The following USP34 variants were observed in gnomAD, a reference collection of about 807,000 sequenced individuals.
USP34 encodes the protein ubiquitin carboxyl-terminal hydrolase 34.
USP34 carries 70 observed loss-of-function variants against 460.3 expected under a neutral mutation model. The observed-to-expected ratio is 0.15, with a 90% CI of 0.13 to 0.19. USP34 has a LOEUF of 0.19. Ranked by LOEUF, USP34 falls within the 10% of genes least tolerant of loss-of-function variation. The pLI is 1.00. For missense variants in USP34, 3,985 were observed against 4,236.2 expected, an observed-to-expected ratio of 0.94 and a Z score of 1.65; for synonymous variants, 1,647 against 1,405.3, an observed-to-expected ratio of 1.17 and a Z score of -3.85.
At chr2:61,257,776 G>A (rs1032498972) in intron 44 of USP34, among the ~76,000 whole-genome samples, 2 of 152,044 alleles carry the variant, frequency 1.3e-5, no homozygotes, top group Non-Finnish European at 2.9e-5. Flanking sequence ...GTGCGGTTGC[G>A]CATGCCTGTA....
chr2:61,261,439 A>C (rs1688875703), intron 43 of USP34, among the ~76,000 whole-genome samples: 1 of 152,190 alleles, frequency 6.6e-6, no homozygotes, highest in African/African-American at 2.4e-5. Flanking sequence ...CACTTATATG[A>C]GGTACCTGAA....
chr2:61,443,881 A>C (rs1000004546), intron 1 of USP34, among the ~76,000 whole-genome samples: 5 of 152,182 alleles, frequency 3.3e-5, no homozygotes, highest in African/African-American at 1.2e-4. Flanking sequence ...TCAGATGTTG[A>C]TAATGGAGGA....
intron 78 of USP34, 185 bp from the exon 79 acceptor site, chr2:61,189,254 T>C (rs1686545742): frequency 3.6e-6 from 2 of 552,304 alleles, no homozygotes; most frequent in South Asian, 6.9e-5. Flanking sequence ...AGCATTTCAT[T>C]AGTTGTTTTT....
At chr2:61,273,171 A>G (rs1689267224) in intron 41 of USP34, among the ~76,000 whole-genome samples, 1 of 152,164 alleles carries the variant, frequency 6.6e-6, no homozygotes, top group South Asian at 2.1e-4. Flanking sequence ...TTAAAACCTA[A>G]ATTTTGTAGG....
At chr2:61,244,879 T>A (rs933488103) in intron 51 of USP34, among the ~76,000 whole-genome samples, 1 of 152,156 alleles carries the variant, frequency 6.6e-6, no homozygotes. Context: ...ATTAAGTCAG[T>A]AAACAGTAAT....
rs374358907 is a variant in USP34 at position 61,290,625 on chromosome 2, C to G, written c.4549-1748G>C. Among the ~76,000 whole-genome samples, 7 of 152,134 alleles carry G rather than the reference C, an allele frequency of 4.6e-5. 1 individual carries two copies. The East Asian group carries it at 5.8e-4, about 13-fold the overall frequency. On this transcript the variant is annotated intron_variant, in intron 33 of 79. Coordinates refer to ENST00000398571, the MANE Select transcript of USP34 (RefSeq NM_014709.4). ...AATGAAAATCTCATCTATTGTAACACAAAGTGGAGGAAGAAAAATTAATAG... is the reference window on the plus strand; with the variant it reads ...AATGAAAATCTCATCTATTGTAACAGAAAGTGGAGGAAGAAAAATTAATAG...
intron 70 of USP34, chr2:61,208,134 G>T (rs1179889049): frequency 6.6e-6 from 1 of 152,204 alleles, no homozygotes; most frequent in Admixed American, 6.5e-5. Flanking sequence ...CCTTCAAGCT[G>T]GGAACCGCTC....
chr2:61,358,385 A>C (rs1348248785), intron 10 of USP34, among the ~76,000 whole-genome samples: 1 of 152,118 alleles, frequency 6.6e-6, no homozygotes, highest in Non-Finnish European at 1.5e-5. Flanking sequence ...TAAAAAAATT[A>C]TGAGATATTA....
intron 2 of USP34, among the ~76,000 whole-genome samples, chr2:61,418,480 T>A (rs1694263226): frequency 6.6e-6 from 1 of 152,216 alleles, no homozygotes. Context: ...GAAAGCTTTT[T>A]CCCTCTAGGA....
intron 2 of USP34, among the ~76,000 whole-genome samples, chr2:61,418,803 C>A (rs935825712): frequency 1.3e-5 from 2 of 152,134 alleles, no homozygotes; most frequent in African/African-American, 4.8e-5. Context: ...AGAGTATGCA[C>A]AATTAAGAGT....
intron 35 of USP34, among the ~76,000 whole-genome samples, 186 bp downstream of exon 35, chr2:61,284,689 C>G (rs1329522691): frequency 6.6e-6 from 1 of 152,034 alleles, no homozygotes; most frequent in Non-Finnish European, 1.5e-5. Flanking sequence ...AAATACGTGA[C>G]TCATAAATAC....
chr2:61,265,540 A>G lies in USP34; in HGVS notation c.5635T>C (p.Trp1879Arg). 1 of 1,609,826 alleles carries G rather than the reference A, an allele frequency of 6.2e-7. No individual in the cohort carries two copies. Among genetic ancestry groups the G allele is most frequent in the East Asian group, 2.2e-5 (1 of 44,738 alleles). Residue 1879 changes from tryptophan to arginine, a missense_variant, in exon 43 of 80, where the codon TGG becomes CGG. Physicochemically the swap from Trp to Arg is moderately radical, Grantham distance 101. Coordinates refer to ENST00000398571, the MANE Select transcript of USP34 (RefSeq NM_014709.4). The part of the protein sequence containing the change: ...QHMQSHAPYK[W>R]DYWPHEDVRA... ...ACATCTTCATGAGGCCAGTAATCCC[A>G]TTTATAAGGTGCATGGGCTGCTGAA... is the stretch of plus-strand genomic sequence containing the variant.
At chr2:61,383,645 G>T (rs1014340296) in intron 5 of USP34, among the ~76,000 whole-genome samples, 3 of 151,798 alleles carry the variant, frequency 2.0e-5, no homozygotes, top group Non-Finnish European at 4.4e-5. Context: ...CGGGGGGGGC[G>T]GGGGGAAGAG....
At chr2:61,416,231 T>A (rs946483983) in intron 2 of USP34, among the ~76,000 whole-genome samples, 1 of 152,144 alleles carries the variant, frequency 6.6e-6, no homozygotes, top group Non-Finnish European at 1.5e-5. Flanking sequence ...CCTTAAAGAG[T>A]GAACCACATA....
At chr2:61,297,773 G>A (rs181357632) in intron 29 of USP34, among the ~76,000 whole-genome samples, 4 of 152,028 alleles carry the variant, frequency 2.6e-5, no homozygotes, top group African/African-American at 9.6e-5. Flanking sequence ...ATGGAGTTTC[G>A]CTCTTGTAGC....
At chr2:61,387,521 A>G (rs986741666) in intron 5 of USP34, among the ~76,000 whole-genome samples, 1 of 147,996 alleles carries the variant, frequency 6.8e-6, no homozygotes, top group African/African-American at 2.5e-5. Flanking sequence ...GTATGTATAT[A>G]TATTTATATA....
At chr2:61,361,416 T>G (rs1692272643) in intron 10 of USP34, among the ~76,000 whole-genome samples, 1 of 152,196 alleles carries the variant, frequency 6.6e-6, no homozygotes, top group South Asian at 2.1e-4. Context: ...AGCAAGACCC[T>G]GTCCATTAAA....
intron 53 of USP34, among the ~76,000 whole-genome samples, chr2:61,237,942 G>C (rs1177849976): frequency 6.6e-6 from 1 of 151,450 alleles, no homozygotes; most frequent in African/African-American, 2.4e-5. Context: ...TGTTGCCCAG[G>C]CTGGAGTGCA....
At chr2:61,315,029 A>T in intron 23 of USP34, 55 bp from the exon 24 acceptor site, 5 of 1,345,172 alleles carry the variant, frequency 3.7e-6, no homozygotes, top group Non-Finnish European at 5.2e-6. Context: ...TATGTAACTC[A>T]TTAAGACTGA....
Sources: allele counts gnomAD v4.1 joint callset (sites outside exome capture counted in the v4.1 genomes callset), GRCh38; gene constraint gnomAD v4.1.1; transcripts MANE v1.5; gene names NCBI Gene and HGNC (gene_info 2026-07-23, HGNC 2026-07-21).